ALKAL2: variants seen among roughly 807,000 people sequenced by gnomAD.
The protein encoded by ALKAL2 is ALK and LTK ligand 2, also known as AUG-alpha.
In ALKAL2, 8 loss-of-function variants were observed where a neutral mutation model predicts 18.5. The ratio of observed to expected loss-of-function variants is 0.43; its 90% CI spans 0.25 to 0.78. ALKAL2 has a LOEUF of 0.78. Among genes scored for constraint, ALKAL2 ranks in the 30% least tolerant of loss-of-function variants. The pLI, the probability that ALKAL2 is intolerant of heterozygous loss-of-function variation, is 0.22. For missense variants in ALKAL2, 241 were observed against 211.2 expected (o/e 1.14, Z -0.88); for synonymous variants, 135 against 95.8 (o/e 1.41, Z -2.39).
Position 286,296 on chromosome 2 carries a change from G to A in ALKAL2, c.301C>T (p.Leu101Phe). 6.2e-7 allele frequency: 1 copy of A among 1,612,464 alleles called. No individual in the cohort carries two copies. Among genetic ancestry groups the A allele is most frequent in the Non-Finnish European group, 8.5e-7 (1 of 1,179,194 alleles). Residue 101 changes from leucine to phenylalanine, a missense_variant, in exon 3 of 6, where the codon CTT (leucine) becomes TTT (phenylalanine). Transcript: ENST00000403610. ...GAACGAGGAGAAAACTTACCTGTAAGGTGTTTTAGAAACTTGTCCTTCATC... is the reference window on the plus strand; with the variant it reads ...GAACGAGGAGAAAACTTACCTGTAAAGTGTTTTAGAAACTTGTCCTTCATC... ...LRMKDKFLKH[L>F]TGPLYFSPKC... is the part of the protein sequence containing the mutation.
chr2:285,101 T>C (rs1026381337), intron 4 of ALKAL2, among the ~76,000 whole-genome samples: 1 of 152,150 alleles, frequency 6.6e-6, no homozygotes, highest in Non-Finnish European at 1.5e-5. Flanking sequence ...CTTTGTGCGG[T>C]GATGTGAATG....
rs189793128 is a variant in ALKAL2 at position 286,273 on chromosome 2, A to G, written c.307+17T>C. On this transcript the variant is annotated intron_variant, in intron 3 of 5. Transcript: ENST00000403610. ...AAAGGAGCTCTGGGAGACGTGAGGA[A>G]CGAGGAGAAAACTTACCTGTAAGGT... 1 of 1,611,386 alleles carries G rather than the reference A, an allele frequency of 6.2e-7. No homozygotes were observed. The highest frequency in any genetic ancestry group is 8.5e-7 in the Non-Finnish European group (1 of 1,178,208).
Position 287,860 on chromosome 2 carries a change from G to C in ALKAL2, c.-25C>G, listed in dbSNP as rs1572210849. ...TCGTGCGCTCGGGGCCGCGGGGCTG[G>C]GAGACTCCGACACGCGCCGAGAGCT... On this transcript the variant is annotated 5_prime_UTR_variant, in exon 2 of 6. Coordinates refer to ENST00000403610, the MANE Select transcript of ALKAL2 (RefSeq NM_001002919.3). The C allele has an allele frequency of 7.8e-7, 1 of 1,281,340 alleles. No individual in the cohort carries two copies. Among genetic ancestry groups the C allele is most frequent in the East Asian group, 3.2e-5 (1 of 31,318 alleles). The allele number at this position is 1,281,340 out of a possible 1,614,324, so 79.4% of individuals were successfully genotyped here.
At chr2:281,281 T>C (rs962443392) in intron 5 of ALKAL2, among the ~76,000 whole-genome samples, 2 of 152,246 alleles carry the variant, frequency 1.3e-5, no homozygotes, top group Non-Finnish European at 2.9e-5. Context: ...TTTTAAACTT[T>C]ACCTATCTCT....
At position 280,141 on chromosome 2, in the gene ALKAL2, G is replaced by A; in HGVS notation, c.*6C>T. ...GCTCCTGGTGTGCTGCTCCTGTACG[G>A]TCTGCTCACTGCTGAAAACAAATAC... On this transcript the variant is annotated 3_prime_UTR_variant, in exon 6 of 6. Transcript: ENST00000403610. 6.2e-7 allele frequency: 1 copy of A among 1,613,896 alleles called. No individual in the cohort carries two copies. The highest frequency in any genetic ancestry group is 8.5e-7 in the Non-Finnish European group (1 of 1,179,850).
In ALKAL2 at chr2:283,098, T is replaced by C; in HGVS notation, c.453+13A>G. On this transcript the variant is annotated intron_variant, in intron 5 of 5. Transcript: ENST00000403610. ...TTTGGTATGTGCTCCAGTGTGTGTC[T>C]GTCCAAGCTTACCTTATCCTCCATG... 1 of 1,608,360 alleles carries C rather than the reference T, an allele frequency of 6.2e-7. No homozygotes were observed. Among genetic ancestry groups the C allele is most frequent in the Non-Finnish European group, 8.5e-7 (1 of 1,177,572 alleles).
intron 4 of ALKAL2, among the ~76,000 whole-genome samples, chr2:285,033 C>T (rs1052774197): frequency 6.6e-6 from 1 of 152,030 alleles, no homozygotes; most frequent in Non-Finnish European, 1.5e-5. Flanking sequence ...CTGGCCTTGG[C>T]GTGAGGATGA....
At chr2:280,392 G>C (rs1394773902) in intron 5 of ALKAL2, among the ~76,000 whole-genome samples, 1 of 152,184 alleles carries the variant, frequency 6.6e-6, no homozygotes, top group Non-Finnish European at 1.5e-5. Flanking sequence ...AGATACATGT[G>C]GATGCTTTAT....
intron 4 of ALKAL2, 146 bp downstream of exon 4, chr2:285,977 G>C: frequency 1.6e-6 from 1 of 640,990 alleles, no homozygotes; most frequent in Non-Finnish European, 2.7e-6. Flanking sequence ...GCAATGGTCT[G>C]GCGATCTTGG....
At chr2:281,950 T>C (rs1351662251) in intron 5 of ALKAL2, among the ~76,000 whole-genome samples, 1 of 152,128 alleles carries the variant, frequency 6.6e-6, no homozygotes. Flanking sequence ...GGGGAGACAT[T>C]ACTACACAGC....
chr2:287,935 G>C (rs879285928), intron 1 of ALKAL2, 43 bp from the exon 2 acceptor site: 383 of 1,237,482 alleles, frequency 3.1e-4, no homozygotes, highest in Middle Eastern at 6.2e-4. Context: ...AAAGTCAGCG[G>C]GGGAGGGGGA....
chr2:280,268 G>C, intron 5 of ALKAL2, 116 bp from the exon 6 acceptor site: 1 of 1,113,968 alleles, frequency 9.0e-7, no homozygotes, highest in Non-Finnish European at 1.4e-6. Context: ...GGCAGTCTCA[G>C]AGTGCATCTG....
In ALKAL2 at chr2:287,746, C is replaced by A; in HGVS notation, c.90G>T (p.Glu30Asp). The A allele has an allele frequency of 6.9e-7, 1 of 1,450,640 alleles. No homozygotes were observed. Among genetic ancestry groups the A allele is most frequent in the Non-Finnish European group, 9.0e-7 (1 of 1,105,488 alleles). 89.9% of individuals were successfully genotyped at this position (1,450,640 alleles called of 1,614,324 possible). ...GCAGCAGCGCCTGTCCGTCCGCCGGCTCCCGGGGCTCCGCGCCCCCCCGGC... is the reference window on the plus strand; with the variant it reads ...GCAGCAGCGCCTGTCCGTCCGCCGGATCCCGGGGCTCCGCGCCCCCCCGGC... ...GRGRGGAEPR[E>D]PADGQALLRL... is the part of the protein sequence containing the mutation. The change falls in exon 2 of 6, where the codon GAG (glutamate) becomes GAT (aspartate). Residue 30 changes from glutamate to aspartate, a missense_variant. Physicochemically the swap from Glu to Asp is conservative, Grantham distance 45. Transcript: ENST00000403610.
chr2:287,565 G>T lies in ALKAL2; in HGVS notation c.253+18C>A, dbSNP rs1271172235. On this transcript the variant is annotated intron_variant, in intron 2 of 5. Coordinates refer to ENST00000403610, the MANE Select transcript of ALKAL2 (RefSeq NM_001002919.3). ...TTCCCAGCAGCCCCGGCCCTCGGGC[G>T]CGCTCGGCCCCACTCACCCACTCGC... 2.2e-6 allele frequency: 3 copies of T among 1,369,308 alleles called. No homozygotes were observed. The highest frequency in any genetic ancestry group is 2.8e-6 in the Non-Finnish European group (3 of 1,065,098). The allele number at this position is 1,369,308 out of a possible 1,614,324, so 84.8% of individuals were successfully genotyped here. A position where few individuals can be genotyped will look rare whatever the true frequency, so the allele number is the denominator to read the frequency against.
chr2:283,430 CGAA>C, intron 4 of ALKAL2: 1 of 985,376 alleles, frequency 1.0e-6, no homozygotes, highest in African/African-American at 1.7e-5. Context: ...GGGACAGACA[CGAA>C]GGCTGCATGG....
intron 3 of ALKAL2, 23 bp downstream of exon 3, chr2:286,267 T>C (rs992686307): frequency 1.2e-6 from 2 of 1,611,600 alleles, no homozygotes; most frequent in Non-Finnish European, 1.7e-6. Flanking sequence ...CTGGGAGACG[T>C]GAGGAACGAG....
chr2:283,239 G>C (rs1416368266), intron 4 of ALKAL2, 64 bp from the exon 5 acceptor site: 2 of 1,066,988 alleles, frequency 1.9e-6, no homozygotes, highest in African/African-American at 3.4e-5. Flanking sequence ...GCATTTTTTT[G>C]CAAGTATATC....
At position 280,010 on chromosome 2, in the gene ALKAL2, A is replaced by G. The variant is rs1670284501; in HGVS notation, c.*137T>C. ...AACTGTCAACAACATACAAAACTCA[A>G]AGGACTTATGGAAGAGTCTGTCTGC... On this transcript the variant is annotated 3_prime_UTR_variant, in exon 6 of 6. Transcript: ENST00000403610. 3.2e-6 allele frequency: 3 copies of G among 944,830 alleles called. No homozygotes were observed. The highest frequency in any genetic ancestry group is 2.7e-5 in the South Asian group (2 of 73,420). The allele number at this position is 944,830 out of a possible 1,614,324, so 58.5% of individuals were successfully genotyped here.
At position 287,804 on chromosome 2, in the gene ALKAL2, C is replaced by T; in HGVS notation, c.32G>A (p.Gly11Glu). ...CGCCGCCCCCAGCACCAGCAGCAGC[C>T]CCAGGAGGAGGGGGTGCCCGGGTCC... Reference protein sequence around the residue: MRGPGHPLLLGLLLVLGAAGR... With the variant: MRGPGHPLLLELLLVLGAAGR... The change falls in exon 2 of 6, where the codon GGG becomes GAG. Residue 11 changes from glycine to glutamate, a missense_variant. Coordinates refer to ENST00000403610, the MANE Select transcript of ALKAL2 (RefSeq NM_001002919.3). 5.2e-6 allele frequency: 7 copies of T among 1,359,168 alleles called. No individual in the cohort carries two copies. Among genetic ancestry groups the T allele is most frequent in the Non-Finnish European group, 6.6e-6 (7 of 1,064,720 alleles). 84.2% of individuals were successfully genotyped at this position (1,359,168 alleles called of 1,614,324 possible).
Sources: gnomAD v4.1 joint callset for allele counts (sites outside exome capture counted in the v4.1 genomes callset) on GRCh38, gnomAD v4.1.1 for gene constraint, MANE v1.5 for transcripts, NCBI Gene and HGNC (gene_info 2026-07-23, HGNC 2026-07-21) for gene names.